EHBP1: variants seen among roughly 807,000 people sequenced by gnomAD.
EHBP1 encodes EH domain binding protein 1.
In EHBP1, 55 loss-of-function variants were observed where a neutral mutation model predicts 144.0. The observed-to-expected ratio is 0.38, with a 90% CI of 0.31 to 0.48. The LOEUF (loss-of-function observed/expected upper bound fraction) is 0.48, where lower values mean the gene tolerates loss of function less well. EHBP1 is among the 20% of genes least tolerant of loss of function. The pLI is 0.98. For synonymous variants in EHBP1, 469 were observed against 472.7 expected (o/e 0.99, Z 0.10); for missense variants, 1,200 against 1,364.2 (o/e 0.88, Z 1.90).
At chr2:63,038,952 G>A in intron 21 of EHBP1, 136 bp downstream of exon 21, 1 of 676,044 alleles carries the variant, frequency 1.5e-6, no homozygotes, top group Admixed American at 2.6e-5. Flanking sequence ...TGCCGTGGAG[G>A]CAGAAAGCAG....
At chr2:62,918,672 T>C (rs1278725124) in intron 10 of EHBP1, among the ~76,000 whole-genome samples, 4 of 152,228 alleles carry the variant, frequency 2.6e-5, no homozygotes, top group Non-Finnish European at 4.4e-5. Context: ...ATCCTCATTT[T>C]ACATTGATTC....
At chr2:62,705,463 G>A (rs1032515517), upstream of EHBP1, among the ~76,000 whole-genome samples, 1 of 151,954 alleles carries the variant, frequency 6.6e-6, no homozygotes, top group African/African-American at 2.4e-5. Flanking sequence ...CAGAAGAACG[G>A]GCGGGATCGT....
At chr2:62,819,479 C>T (rs932302898) in intron 5 of EHBP1, among the ~76,000 whole-genome samples, 6 of 152,104 alleles carry the variant, frequency 3.9e-5, no homozygotes, top group Non-Finnish European at 5.9e-5. Flanking sequence ...AACCTGCAGC[C>T]GGGCACAGTG....
At chr2:62,802,491 A>G (rs1364941246) in intron 5 of EHBP1, among the ~76,000 whole-genome samples, 1 of 152,136 alleles carries the variant, frequency 6.6e-6, no homozygotes. Context: ...CCCCTTCCCC[A>G]TACACACATA....
At chr2:62,985,481 C>A (rs1312644016) in intron 15 of EHBP1, among the ~76,000 whole-genome samples, 1 of 152,206 alleles carries the variant, frequency 6.6e-6, no homozygotes, top group South Asian at 2.1e-4. Context: ...TTAAATTAAT[C>A]TTCTAAAGCA....
chr2:62,748,216 A>C (rs1358288552), intron 3 of EHBP1, among the ~76,000 whole-genome samples: 1 of 152,190 alleles, frequency 6.6e-6, no homozygotes, highest in East Asian at 1.9e-4. Flanking sequence ...TTAAGAAGTT[A>C]CGAGTTATCT....
At chr2:62,714,429 GA>G (rs907278158) in intron 2 of EHBP1, among the ~76,000 whole-genome samples, 1 of 152,142 alleles carries the variant, frequency 6.6e-6, no homozygotes, top group Non-Finnish European at 1.5e-5. Context: ...CAGCCTTATA[GA>G]AAGAAACTTT....
intron 5 of EHBP1, among the ~76,000 whole-genome samples, chr2:62,810,171 A>C (rs779019029): frequency 2.6e-5 from 4 of 152,254 alleles, no homozygotes; most frequent in Admixed American, 6.5e-5. Flanking sequence ...TAAAGTTTTA[A>C]GGGATTCTTT....
At chr2:62,986,464 A>G (rs1234008652) in intron 15 of EHBP1, among the ~76,000 whole-genome samples, 3 of 125,720 alleles carry the variant, frequency 2.4e-5, no homozygotes, top group Non-Finnish European at 3.3e-5. Flanking sequence ...TTTTTTTGAG[A>G]CTGAGTTTTG....
intron 3 of EHBP1, among the ~76,000 whole-genome samples, chr2:62,756,388 C>T (rs372365531): frequency 3.3e-5 from 5 of 152,256 alleles, no homozygotes; most frequent in Admixed American, 6.5e-5. Flanking sequence ...TTCCTGAATA[C>T]GTTAGAATCA....
intron 10 of EHBP1, among the ~76,000 whole-genome samples, chr2:62,875,016 T>C (rs1378857848): frequency 6.6e-6 from 1 of 151,778 alleles, no homozygotes; most frequent in Non-Finnish European, 1.5e-5. Flanking sequence ...GTGTGCACCC[T>C]GCCACCCCGC....
chr2:62,897,098 A>G (rs1035904563), intron 10 of EHBP1, among the ~76,000 whole-genome samples: 6 of 152,154 alleles, frequency 3.9e-5, no homozygotes, highest in Non-Finnish European at 5.9e-5. Flanking sequence ...CCTAACCATA[A>G]CCACTACTAT....
intron 7 of EHBP1, among the ~76,000 whole-genome samples, chr2:62,844,595 A>G (rs1449350011): frequency 6.6e-6 from 1 of 152,174 alleles, no homozygotes; most frequent in Non-Finnish European, 1.5e-5. Flanking sequence ...ATTTGGCAGT[A>G]TGATCATCTT....
rs369869957 is a variant in EHBP1 at position 62,959,699 on chromosome 2, C to T, written c.2460+4039C>T. On this transcript the variant is annotated intron_variant, in intron 14 of 22. Coordinates refer to ENST00000431489, the MANE Select transcript of EHBP1 (RefSeq NM_001142616.3). ...TGTCTTCTTTGAAGAAATGTCTATT[C>T]AAGTTCTTAGCCCACTTTTTAATCG... 2.0e-5 allele frequency among the ~76,000 whole-genome samples: 3 copies of T among 152,122 alleles called. No individual in the cohort carries two copies. In the East Asian group the frequency reaches 5.8e-4, roughly 29 times the overall value.
intron 1 of EHBP1, among the ~76,000 whole-genome samples, chr2:62,696,536 C>T (rs1413144679): frequency 8.9e-5 from 7 of 78,252 alleles, no homozygotes; most frequent in East Asian, 4.2e-4. Context: ...TTTTTTGAGA[C>T]GGAGTCTCAC....
chr2:62,800,492 T>C (rs1426887491), intron 5 of EHBP1, among the ~76,000 whole-genome samples: 10 of 152,222 alleles, frequency 6.6e-5, no homozygotes, highest in Admixed American at 1.3e-4. Flanking sequence ...TAAATAATTA[T>C]AAAGACCATT....
chr2:62,986,073 T>C (rs1468608348), intron 15 of EHBP1, among the ~76,000 whole-genome samples: 4 of 152,120 alleles, frequency 2.6e-5, no homozygotes, highest in East Asian at 1.9e-4. Flanking sequence ...TGGAGGCTTA[T>C]TGGCAGCAAA....
chr2:62,829,778 A>G (rs1374411366), intron 6 of EHBP1, among the ~76,000 whole-genome samples: 2 of 147,228 alleles, frequency 1.4e-5, no homozygotes, highest in East Asian at 3.9e-4. Context: ...ATACTATTAT[A>G]TATATTATAC....
At chr2:62,945,741 C>T (rs560608698) in intron 12 of EHBP1, among the ~76,000 whole-genome samples, 4 of 152,188 alleles carry the variant, frequency 2.6e-5, no homozygotes, top group East Asian at 3.9e-4. Flanking sequence ...CAGAGCAAGA[C>T]CCTGTGTCCA....
Sources: allele counts gnomAD v4.1 joint callset (sites outside exome capture counted in the v4.1 genomes callset), GRCh38; gene constraint gnomAD v4.1.1; transcripts MANE v1.5; gene names NCBI Gene and HGNC (gene_info 2026-07-23, HGNC 2026-07-21).